ARID3A: variants seen among roughly 807,000 people sequenced by gnomAD.
ARID3A encodes the protein AT-rich interaction domain 3A, also known as AT-rich interactive domain-containing protein 3A.
In ARID3A, 11 loss-of-function variants were observed where a neutral mutation model predicts 52.7. The ratio of observed to expected loss-of-function variants is 0.21; its 90% CI spans 0.13 to 0.35. The LOEUF (loss-of-function observed/expected upper bound fraction) is 0.35, where lower values mean the gene tolerates loss of function less well. ARID3A is among the 10% of genes least tolerant of loss of function. The probability of loss-of-function intolerance (pLI) is 1.00; values close to 1 mark genes in which losing one functional copy is unlikely to be tolerated. For missense variants in ARID3A, 721 were observed against 838.5 expected, an observed-to-expected ratio of 0.86 and a Z score of 1.73; for synonymous variants, 404 against 359.4, an observed-to-expected ratio of 1.12 and a Z score of -1.40.
intron 3 of ARID3A, among the ~76,000 whole-genome samples, chr19:945,231 ACCT>A (rs1350580836): frequency 6.6e-6 from 1 of 152,046 alleles, no homozygotes; most frequent in African/African-American, 2.4e-5. Flanking sequence ...GGTGCCTGTG[ACCT>A]CCTCCTCTCG....
intron 1 of ARID3A, chr19:928,816 TATAC>T (rs2037255045): frequency 6.6e-6 from 1 of 152,082 alleles, no homozygotes; most frequent in Non-Finnish European, 1.5e-5. Flanking sequence ...CCAGGGCCCG[TATAC>T]AACAGGCGCT....
In ARID3A at chr19:968,481, G is replaced by A. The variant is rs1335173348; in HGVS notation, c.1572G>A (p.Glu524=). The A allele has an allele frequency of 6.2e-7, 1 of 1,613,970 alleles. No individual in the cohort carries two copies. The highest frequency in any genetic ancestry group is 1.1e-5 in the South Asian group (1 of 91,082). Reference sequence around the variant, plus strand: ...GCAACAGCATCAGCATGTCGGTGGAGATCAACGGCATCATGTACACAGGTA... The same window carrying A: ...GCAACAGCATCAGCATGTCGGTGGAAATCAACGGCATCATGTACACAGGTA... ...NGSNSISMSV[E]INGIMYTGVL... is the part of the protein sequence containing the mutation. The change falls in exon 8 of 9, where the codon GAG becomes GAA. Residue 524 remains glutamate, a synonymous_variant. Transcript: ENST00000263620.
At chr19:930,635 G>A (rs192767689) in intron 2 of ARID3A, among the ~76,000 whole-genome samples, 4,068 of 148,158 alleles carry the variant, frequency 0.027, 189 homozygotes, top group African/African-American at 0.096. Flanking sequence ...TCAGCCTCCC[G>A]AGTAGTTGGG....
Position 971,661 on chromosome 19 carries a change from C to T in ARID3A, c.1595-217C>T, listed in dbSNP as rs117832546. 3.5e-3 allele frequency among the ~76,000 whole-genome samples: 536 copies of T among 152,210 alleles called. 20 individuals are homozygous for T. In the East Asian group the frequency reaches 0.091, roughly 26 times the overall value. On this transcript the variant is annotated intron_variant, in intron 8 of 8. Coordinates refer to ENST00000263620, the MANE Select transcript of ARID3A (RefSeq NM_005224.3). ...AATTAGCCAGACATGGTGGCACGCC[C>T]CTGTGGTCTCAGCTACTCGGGAGGC... is the stretch of plus-strand genomic sequence containing the variant.
chr19:936,509 A>T (rs999485015), intron 3 of ARID3A, among the ~76,000 whole-genome samples: 1 of 151,616 alleles, frequency 6.6e-6, no homozygotes, highest in Non-Finnish European at 1.5e-5. Flanking sequence ...GCGCCACCAC[A>T]CTCCAGCTTG....
intron 3 of ARID3A, among the ~76,000 whole-genome samples, chr19:949,337 C>T (rs1181353464): frequency 6.6e-6 from 1 of 152,030 alleles, no homozygotes; most frequent in Non-Finnish European, 1.5e-5. Flanking sequence ...GCTGAGTCAT[C>T]TCAGCCTCTG....
intron 4 of ARID3A, among the ~76,000 whole-genome samples, chr19:962,310 G>T (rs1706361552): frequency 6.6e-6 from 1 of 152,056 alleles, no homozygotes; most frequent in Non-Finnish European, 1.5e-5. Flanking sequence ...AGAAGTGAGG[G>T]AGGGGTCCTG....
At chr19:962,527 T>TA (rs2038063887) in intron 4 of ARID3A, among the ~76,000 whole-genome samples, 2 of 150,066 alleles carry the variant, frequency 1.3e-5, no homozygotes, top group African/African-American at 4.9e-5. Context: ...TTTTTTTTTT[T>TA]TTTTGAGACA....
intron 3 of ARID3A, among the ~76,000 whole-genome samples, chr19:939,969 C>G (rs550230206): frequency 1.3e-5 from 2 of 152,164 alleles, no homozygotes; most frequent in South Asian, 2.1e-4. Context: ...TGGGGTCTGC[C>G]GTGGCCTCGC....
At chr19:932,844 C>G in intron 3 of ARID3A, 102 bp downstream of exon 3, 3 of 1,495,834 alleles carry the variant, frequency 2.0e-6, no homozygotes, top group Non-Finnish European at 1.8e-6. Context: ...AGCCGGGCGT[C>G]GAGTTGAGAG....
chr19:935,877 A>G (rs1018949251), intron 3 of ARID3A, among the ~76,000 whole-genome samples: 40 of 152,104 alleles, frequency 2.6e-4, no homozygotes, highest in Admixed American at 6.5e-4. Context: ...TGCAAGCTCT[A>G]CCTCCCGGGT....
chr19:941,729 G>A lies in ARID3A; in HGVS notation c.693+8987G>A, dbSNP rs1414110375. Among the ~76,000 whole-genome samples the A allele has an allele frequency of 6.6e-6, 1 of 152,076 alleles. No individual in the cohort carries two copies. Among genetic ancestry groups the A allele is most frequent in the Non-Finnish European group, 1.5e-5 (1 of 68,012 alleles). On this transcript the variant is annotated intron_variant, in intron 3 of 8. Coordinates refer to ENST00000263620, the MANE Select transcript of ARID3A (RefSeq NM_005224.3). This position sits in a 1 kb window ranked among gnomAD's most constrained non-coding sequence, Gnocchi z 6.9. ...GGTCTCTGAAAGTGCTGGGATTACA[G>A]GCGTGAGCTGCTGTGCCGGACTGGT...
At chr19:952,165 C>T (rs2037814397) in intron 3 of ARID3A, among the ~76,000 whole-genome samples, 1 of 151,724 alleles carries the variant, frequency 6.6e-6, no homozygotes, top group Admixed American at 6.6e-5. Flanking sequence ...GTGTCTCAGG[C>T]TGGGCGTGGT....
chr19:946,439 CTT>C (rs58290960), intron 3 of ARID3A, among the ~76,000 whole-genome samples: 2 of 60,402 alleles, frequency 3.3e-5, no homozygotes, highest in Non-Finnish European at 6.3e-5. Flanking sequence ...TTTTTTGAAT[CTT>C]TTTTTTTTTT....
At chr19:971,623 C>CA (rs1187299548) in intron 8 of ARID3A, among the ~76,000 whole-genome samples, 2 of 151,704 alleles carry the variant, frequency 1.3e-5, no homozygotes, top group Non-Finnish European at 2.9e-5. Context: ...CAAAAAAAAA[C>CA]AAAAAAATAA....
chr19:968,360 A>G (rs1229299094), intron 7 of ARID3A, 45 bp from the exon 8 acceptor site: 7 of 1,489,920 alleles, frequency 4.7e-6, no homozygotes, highest in Non-Finnish European at 6.4e-6. Flanking sequence ...CTCTGTCTCA[A>G]AAAAAAAAAG....
At chr19:955,808 C>G (rs1224832826) in intron 3 of ARID3A, among the ~76,000 whole-genome samples, 4 of 152,206 alleles carry the variant, frequency 2.6e-5, no homozygotes, top group Non-Finnish European at 4.4e-5. Context: ...GTGCTGGCCT[C>G]TACGTGCGGT....
chr19:949,495 A>G (rs1049990583), intron 3 of ARID3A, among the ~76,000 whole-genome samples: 1 of 152,048 alleles, frequency 6.6e-6, no homozygotes, highest in Non-Finnish European at 1.5e-5. Context: ...GAGGAAGGAA[A>G]GCTTCTTACG....
Position 964,769 on chromosome 19 carries a change from T to C in ARID3A, c.951-64T>C. ...TGCCACAGTGGGGTTTACTTTGTAC[T>C]GAAGGCCAAAGAGAGCCGTAGGGGT... On this transcript the variant is annotated intron_variant, in intron 5 of 8. Transcript: ENST00000263620. The surrounding 1 kb of genome is among the most constrained non-coding windows in gnomAD (Gnocchi z 5.7). The C allele has an allele frequency of 1.3e-6, 2 of 1,565,894 alleles. No individual in the cohort carries two copies. The highest frequency in any genetic ancestry group is 1.2e-5 in the South Asian group (1 of 83,400).
Sources: allele counts gnomAD v4.1 joint callset (sites outside exome capture counted in the v4.1 genomes callset), GRCh38; gene constraint gnomAD v4.1.1; non-coding constraint Gnocchi (gnomAD v3.1); transcripts MANE v1.5; gene names NCBI Gene and HGNC (gene_info 2026-07-23, HGNC 2026-07-21).